The following CFAP58 variants were observed in gnomAD, a reference collection of about 807,000 sequenced individuals.
CFAP58 encodes the protein cilia- and flagella-associated protein 58.
Under a neutral mutation model 119.5 loss-of-function variants are expected in CFAP58, and 88 were observed. The observed-to-expected ratio is 0.74, with a 90% CI of 0.62 to 0.88. CFAP58 has a LOEUF of 0.88. Among genes scored for constraint, CFAP58 ranks in the 40% least tolerant of loss-of-function variants. CFAP58 has a pLI of 0.00. For synonymous variants in CFAP58, 365 were observed against 366.3 expected, an observed-to-expected ratio of 1.00 and a Z score of 0.04; for missense variants, 990 against 1,021.2, an observed-to-expected ratio of 0.97 and a Z score of 0.42.
chr10:104,373,386 C>G (rs2014848799), intron 7 of CFAP58, among the ~76,000 whole-genome samples: 1 of 152,108 alleles, frequency 6.6e-6, no homozygotes, highest in South Asian at 2.1e-4. Context: ...ATAATCCCTG[C>G]ACTTTGGGAG....
At chr10:104,418,766 A>G (rs1346879964) in intron 15 of CFAP58, among the ~76,000 whole-genome samples, 1 of 152,190 alleles carries the variant, frequency 6.6e-6, no homozygotes, top group Non-Finnish European at 1.5e-5. Context: ...AGTTGCTGGT[A>G]GTGTAGCCTA....
chr10:104,367,474 A>G (rs1251794082), intron 5 of CFAP58, among the ~76,000 whole-genome samples: 2 of 152,194 alleles, frequency 1.3e-5, no homozygotes, highest in African/African-American at 4.8e-5. Context: ...GTATAAAGTC[A>G]GAAGTCAAAT....
At chr10:104,369,037 T>G (rs150612015) in intron 6 of CFAP58, among the ~76,000 whole-genome samples, 2 of 152,302 alleles carry the variant, frequency 1.3e-5, no homozygotes, top group Non-Finnish European at 2.9e-5. Flanking sequence ...TTCCTATTCT[T>G]CTCCTTGCTC....
intron 11 of CFAP58, among the ~76,000 whole-genome samples, chr10:104,399,081 C>T (rs2133040884): frequency 6.6e-6 from 1 of 152,164 alleles, no homozygotes; most frequent in African/African-American, 2.4e-5. Flanking sequence ...AATGAAGCCC[C>T]TGCTACACAT....
chr10:104,362,552 T>C (rs891210345), intron 3 of CFAP58, among the ~76,000 whole-genome samples: 2 of 152,138 alleles, frequency 1.3e-5, no homozygotes, highest in Non-Finnish European at 2.9e-5. Flanking sequence ...CTTCAGATTC[T>C]AGGCCAGAAA....
chr10:104,410,330 T>G (rs1437830667), intron 15 of CFAP58, among the ~76,000 whole-genome samples: 2 of 152,254 alleles, frequency 1.3e-5, no homozygotes, highest in African/African-American at 4.8e-5. Flanking sequence ...CCAACATGTT[T>G]ACCAGTTCTT....
chr10:104,393,364 T>G lies in CFAP58; in HGVS notation c.1563T>G (p.Ile521Met). 6.2e-7 allele frequency: 1 copy of G among 1,613,986 alleles called. No homozygotes were observed. Among genetic ancestry groups the G allele is most frequent in the Non-Finnish European group, 8.5e-7 (1 of 1,179,878 alleles). ...CAGATATGAAGAGAAAGTTAAAGAT[T>G]ATGATCCATCAGGTAGATGAGCTGA... ...EITDMKRKLK[I>M]MIHQVDELKE... is the part of the protein sequence containing the mutation. Residue 521 changes from isoleucine to methionine, a missense_variant, in exon 11 of 18, where the codon ATT (isoleucine) becomes ATG (methionine). Physicochemically the swap from Ile to Met is conservative, Grantham distance 10. Transcript: ENST00000369704.
intron 7 of CFAP58, among the ~76,000 whole-genome samples, chr10:104,371,915 C>G (rs1227349332): frequency 1.3e-5 from 2 of 152,256 alleles, no homozygotes; most frequent in African/African-American, 4.8e-5. Flanking sequence ...TGACTTTTCC[C>G]AGGTGGCTGT....
rs546340321 is a variant in CFAP58, at chr10:104,415,304, G to C, written c.2256+8511G>C. Among the ~76,000 whole-genome samples the C allele has an allele frequency of 2.0e-5, 3 of 152,248 alleles. No homozygotes were observed. In the East Asian group the frequency reaches 5.8e-4, roughly 29 times the overall value. ...AGGGAGGAAAAGCCAGTGGGTGGAG[G>C]GGGAGGGAGCGGGTCATCCCATGGG... On this transcript the variant is annotated intron_variant, in intron 15 of 17. Transcript: ENST00000369704.
rs180936794 is a variant in CFAP58 at position 104,452,536 on chromosome 10, A to G, written c.2511-1886A>G. Among the ~76,000 whole-genome samples the G allele has an allele frequency of 1.5e-3, 231 of 152,268 alleles. 2 individuals carry two copies. The highest frequency in any genetic ancestry group is 5.3e-3 in the African/African-American group (220 of 41,544). ...TAATCTTGCTCCCTCTCCTGCCCCA[A>G]AGTTTGATGGACACAGAGAGCATGA... On this transcript the variant is annotated intron_variant, in intron 17 of 17. Transcript: ENST00000369704.
At chr10:104,431,044 A>T (rs1480606523) in intron 15 of CFAP58, among the ~76,000 whole-genome samples, 2 of 152,190 alleles carry the variant, frequency 1.3e-5, no homozygotes, top group African/African-American at 4.8e-5. Context: ...GGTCATGATT[A>T]GTTGGGTACC....
At chr10:104,442,353 G>A (rs2013051326) in intron 15 of CFAP58, among the ~76,000 whole-genome samples, 1 of 152,144 alleles carries the variant, frequency 6.6e-6, no homozygotes, top group Non-Finnish European at 1.5e-5. Context: ...ACTTTGGGAG[G>A]CTAAGGAGGG....
At chr10:104,345,687 G>C in the CFAP58 span, among the ~76,000 whole-genome samples, 29 of 152,188 alleles carry the variant, frequency 1.9e-4, no homozygotes, top group Non-Finnish European at 7.3e-5. Context: ...CTTTCCAGCA[G>C]CACAGAGGAG....
At chr10:104,361,663 C>T (rs770727996) in intron 2 of CFAP58, among the ~76,000 whole-genome samples, 16 of 152,070 alleles carry the variant, frequency 1.1e-4, no homozygotes, top group Non-Finnish European at 4.4e-5. Context: ...GAAAAAATAC[C>T]CTCTGCCAGT....
At chr10:104,395,891 G>A (rs928890331) in intron 11 of CFAP58, among the ~76,000 whole-genome samples, 2 of 152,210 alleles carry the variant, frequency 1.3e-5, no homozygotes, top group African/African-American at 2.4e-5. Flanking sequence ...TTTCCAAGCC[G>A]ATAGGCAAAC....
Position 104,447,604 on chromosome 10 carries a change from G to A in CFAP58, c.2257-94G>A, listed in dbSNP as rs1448693064. 3 of 1,494,960 alleles carry A rather than the reference G, an allele frequency of 2.0e-6. No homozygotes were observed. The South Asian group carries it at 3.8e-5, about 19-fold the overall frequency. 92.6% of individuals were successfully genotyped at this position (1,494,960 alleles called of 1,614,324 possible). A position where few individuals can be genotyped will look rare whatever the true frequency, so the allele number is the denominator to read the frequency against. ...ACTGTGGAGCTGTGAAGTAGCTTGG[G>A]CCACTCCCAAATTGTGCTGGCCATG... On this transcript the variant is annotated intron_variant, in intron 15 of 17. Transcript: ENST00000369704.
intron 15 of CFAP58, among the ~76,000 whole-genome samples, chr10:104,435,208 A>G (rs1564903711): frequency 6.6e-6 from 1 of 152,204 alleles, no homozygotes; most frequent in African/African-American, 2.4e-5. Context: ...CAGGCCGGAC[A>G]TGTTGGCTCA....
In CFAP58 at chr10:104,379,993, A is replaced by T. The variant is rs1354482935; in HGVS notation, c.1174-36A>T. 1.9e-6 allele frequency: 3 copies of T among 1,577,038 alleles called. No individual in the cohort carries two copies. The Admixed American group carries it at 5.5e-5, about 29-fold the overall frequency. On this transcript the variant is annotated intron_variant, in intron 8 of 17. Coordinates refer to ENST00000369704, the MANE Select transcript of CFAP58 (RefSeq NM_001008723.2). ...ACTTAACCCCAAATCCTTGAACATTATGAGTAATGTGACTGCTTTGTGCCC... is the reference window on the plus strand; with the variant it reads ...ACTTAACCCCAAATCCTTGAACATTTTGAGTAATGTGACTGCTTTGTGCCC...
intron 7 of CFAP58, among the ~76,000 whole-genome samples, chr10:104,374,372 G>A (rs1441174802): frequency 6.7e-6 from 1 of 150,324 alleles, no homozygotes; most frequent in Non-Finnish European, 1.5e-5. Flanking sequence ...CTACTCAGGG[G>A]GCTGAGAGGC....
Sources: allele counts gnomAD v4.1 joint callset (sites outside exome capture counted in the v4.1 genomes callset), GRCh38; gene constraint gnomAD v4.1.1; transcripts MANE v1.5; gene names NCBI Gene and HGNC (gene_info 2026-07-23, HGNC 2026-07-21).